NTM: variants seen among roughly 807,000 people sequenced by gnomAD.
NTM encodes the protein neurotrimin.
A neutral mutation model predicts 42.1 loss-of-function variants in NTM; 13 were observed. The observed-to-expected ratio is 0.31, with a 90% CI of 0.20 to 0.49. The LOEUF (loss-of-function observed/expected upper bound fraction) is 0.49. Ranked by LOEUF, NTM falls within the 20% of genes least tolerant of loss-of-function variation. NTM has a pLI of 0.99. For synonymous variants in NTM, 187 were observed against 179.2 expected, an observed-to-expected ratio of 1.04 and a Z score of -0.35; for missense variants, 373 against 452.8, an observed-to-expected ratio of 0.82 and a Z score of 1.60.
At chr11:131,983,204 C>T (rs1008774343) in intron 2 of NTM, among the ~76,000 whole-genome samples, 3 of 152,124 alleles carry the variant, frequency 2.0e-5, no homozygotes, top group Admixed American at 6.5e-5. Context: ...TGTATTGTAC[C>T]TTCAATCCTC....
intron 1 of NTM, among the ~76,000 whole-genome samples, chr11:131,588,467 G>A (rs2137256794): frequency 6.6e-6 from 1 of 152,322 alleles, no homozygotes; most frequent in East Asian, 1.9e-4. Flanking sequence ...AGTGTGCCAT[G>A]GTTATGAAGC....
At chr11:131,748,105 T>C (rs1161501846) in intron 1 of NTM, among the ~76,000 whole-genome samples, 1 of 152,232 alleles carries the variant, frequency 6.6e-6, no homozygotes, top group Non-Finnish European at 1.5e-5. Context: ...CTAAATGTGT[T>C]CAATTAGGTA....
Position 131,857,899 on chromosome 11 carries a change from C to G in NTM, c.83-53665C>G, listed in dbSNP as rs148674645. On this transcript the variant is annotated intron_variant, in intron 1 of 8. Coordinates refer to ENST00000683400, the MANE Select transcript of NTM (RefSeq NM_001352005.2). ...TATTCCAATGACATCTCATCATTTG[C>G]AGGATTGAGCTTCGTCTCCTTCAGG... 1.3e-3 allele frequency among the ~76,000 whole-genome samples: 199 copies of G among 152,248 alleles called. 1 individual carries two copies. Among genetic ancestry groups the G allele is most frequent in the African/African-American group, 4.6e-3 (189 of 41,538 alleles).
At chr11:132,317,474 C>G (rs370347952) in intron 7 of NTM, among the ~76,000 whole-genome samples, 1 of 152,048 alleles carries the variant, frequency 6.6e-6, no homozygotes, top group South Asian at 2.1e-4. Flanking sequence ...AGCATGTCAG[C>G]GTTTCTCTTG....
intron 1 of NTM, among the ~76,000 whole-genome samples, chr11:131,623,729 C>A (rs2062812448): frequency 6.6e-6 from 1 of 152,250 alleles, no homozygotes; most frequent in Admixed American, 6.5e-5. Flanking sequence ...GCCAGGCCCA[C>A]TCTCCCTCCC....
intron 2 of NTM, among the ~76,000 whole-genome samples, chr11:132,044,359 C>G (rs1238706604): frequency 1.3e-5 from 2 of 152,072 alleles, no homozygotes; most frequent in Non-Finnish European, 2.9e-5. Context: ...TACGGCTTAC[C>G]TTTTCCCTGC....
At chr11:131,546,958 C>T (rs989778389) in intron 1 of NTM, among the ~76,000 whole-genome samples, 3 of 152,172 alleles carry the variant, frequency 2.0e-5, no homozygotes, top group African/African-American at 7.2e-5. Flanking sequence ...TGAGTTCCTT[C>T]CCTCCCTTTC....
intron 2 of NTM, among the ~76,000 whole-genome samples, chr11:132,087,579 C>G (rs1594533831): frequency 6.6e-6 from 1 of 152,120 alleles, no homozygotes; most frequent in Non-Finnish European, 1.5e-5. Context: ...TTATCATAAG[C>G]CCAGTGCTAA....
chr11:132,138,353 AT>A (rs1437231512), intron 2 of NTM, among the ~76,000 whole-genome samples: 2 of 152,208 alleles, frequency 1.3e-5, no homozygotes, highest in Non-Finnish European at 2.9e-5. Context: ...ATATGAATTA[AT>A]ATTTAAGCTT....
chr11:131,891,330 T>C (rs1374788853), intron 1 of NTM, among the ~76,000 whole-genome samples: 1 of 152,034 alleles, frequency 6.6e-6, no homozygotes, highest in Non-Finnish European at 1.5e-5. Context: ...GAAGCGTGTC[T>C]TGAGGGGTGA....
chr11:131,550,511 C>G (rs1023905076), intron 1 of NTM, among the ~76,000 whole-genome samples: 1 of 152,140 alleles, frequency 6.6e-6, no homozygotes, highest in Non-Finnish European at 1.5e-5. Context: ...TATGCAGCAC[C>G]TCCTTCTCTC....
At chr11:131,501,994 T>C (rs2046893073) in intron 1 of NTM, among the ~76,000 whole-genome samples, 1 of 152,054 alleles carries the variant, frequency 6.6e-6, no homozygotes, top group African/African-American at 2.4e-5. Context: ...GTCACAGAGG[T>C]GACTGGGTCT....
At chr11:131,630,157 G>A (rs1429560877) in intron 1 of NTM, among the ~76,000 whole-genome samples, 1 of 152,144 alleles carries the variant, frequency 6.6e-6, no homozygotes, top group African/African-American at 2.4e-5. Flanking sequence ...GGCAAAGGAG[G>A]TCGGGCCATG....
chr11:131,398,537 A>G (rs927633067), intron 1 of NTM, among the ~76,000 whole-genome samples: 3 of 152,188 alleles, frequency 2.0e-5, no homozygotes, highest in African/African-American at 7.2e-5. Flanking sequence ...ATTAGTGAGC[A>G]TCGTTTTAAT....
chr11:132,009,718 A>T (rs2071666009), intron 2 of NTM, among the ~76,000 whole-genome samples: 2 of 152,146 alleles, frequency 1.3e-5, no homozygotes, highest in African/African-American at 4.8e-5. Flanking sequence ...CCTAGACCAA[A>T]TTGCCTCCCT....
At chr11:132,095,456 C>T (rs1383486706) in intron 2 of NTM, among the ~76,000 whole-genome samples, 1 of 152,130 alleles carries the variant, frequency 6.6e-6, no homozygotes, top group African/African-American at 2.4e-5. Context: ...AAGCACAAGG[C>T]TGTAAGTGGT....
intron 1 of NTM, among the ~76,000 whole-genome samples, chr11:131,440,329 G>T (rs938204782): frequency 1.3e-5 from 2 of 152,066 alleles, no homozygotes; most frequent in African/African-American, 4.8e-5. Context: ...TTGACTCAAG[G>T]GCTTCTCTTT....
intron 1 of NTM, among the ~76,000 whole-genome samples, chr11:131,594,793 T>C (rs1035415329): frequency 6.6e-6 from 1 of 152,168 alleles, no homozygotes; most frequent in African/African-American, 2.4e-5. Context: ...AGCTCTGGCT[T>C]GTTCACCTGC....
intron 2 of NTM, among the ~76,000 whole-genome samples, chr11:132,135,225 C>T (rs144820114): frequency 4.6e-5 from 7 of 152,288 alleles, no homozygotes; most frequent in South Asian, 2.1e-4. Context: ...TACCTTGCCC[C>T]GTGTCCTCTC....
Sources: allele counts gnomAD v4.1 joint callset (sites outside exome capture counted in the v4.1 genomes callset), GRCh38; gene constraint gnomAD v4.1.1; transcripts MANE v1.5; gene names NCBI Gene and HGNC (gene_info 2026-07-23, HGNC 2026-07-21).